Variants in ECT2 observed in about 807,000 individuals in gnomAD.
ECT2 encodes epithelial cell transforming 2.
ECT2 carries 61 observed loss-of-function variants against 116.9 expected under a neutral mutation model. That is an observed-to-expected ratio of 0.52 (90% CI 0.42 to 0.65). The LOEUF is 0.65. ECT2 is among the 30% of genes least tolerant of loss of function. The pLI is 0.00. For synonymous variants in ECT2, 358 were observed against 346.4 expected (o/e 1.03, Z -0.37); for missense variants, 937 against 1,078.7 (o/e 0.87, Z 1.84).
intron 22 of ECT2, among the ~76,000 whole-genome samples, chr3:172,812,418 A>T (rs1031657470): frequency 2.0e-5 from 3 of 152,162 alleles, no homozygotes; most frequent in African/African-American, 7.2e-5. Flanking sequence ...GTTATTTTGT[A>T]ATCAGTCACA....
At chr3:172,793,374 A>C (rs566739195) in intron 18 of ECT2, among the ~76,000 whole-genome samples, 13 of 152,096 alleles carry the variant, frequency 8.5e-5, no homozygotes, top group African/African-American at 3.1e-4. Context: ...CATGTTGGCC[A>C]AGTTGGCCTC....
At position 172,762,965 on chromosome 3, in the gene ECT2, A is replaced by G. The variant is rs749311125; in HGVS notation, c.1061A>G (p.Tyr354Cys). Residue 354 changes from tyrosine to cysteine, a missense_variant, in exon 11 of 25, where the codon TAT (tyrosine) becomes TGT (cysteine). By Grantham distance (194) the Tyr-to-Cys change is radical. Coordinates refer to ENST00000392692, the MANE Select transcript of ECT2 (RefSeq NM_001258315.2). ...DARAGETMYL[Y>C]EKANTPELKK... ...CGAGCTGGAGAAACTATGTATTTAT[A>G]TGAAAAGGTATGCTTTTAACCCCTT... 6.2e-7 allele frequency: 1 copy of G among 1,613,812 alleles called. No homozygotes were observed. Among genetic ancestry groups the G allele is most frequent in the East Asian group, 2.2e-5 (1 of 44,832 alleles).
In ECT2 at chr3:172,759,008, A is replaced by G. The variant is rs769496025; in HGVS notation, c.515A>G (p.Tyr172Cys). 6.2e-7 allele frequency: 1 copy of G among 1,611,270 alleles called. No individual in the cohort carries two copies. Among genetic ancestry groups the G allele is most frequent in the Non-Finnish European group, 8.5e-7 (1 of 1,179,256 alleles). ...EPLPFSCRPL[Y>C]CTSMMNLVLC... ...TTGCCATTTTCATGTCGCCCGTTGT[A>G]TTGTACAAGTATGATGAATCTAGTA... Residue 172 changes from tyrosine to cysteine, a missense_variant, in exon 6 of 25, where the codon TAT becomes TGT. Physicochemically the swap from Tyr to Cys is radical, Grantham distance 194. Coordinates refer to ENST00000392692, the MANE Select transcript of ECT2 (RefSeq NM_001258315.2).
chr3:172,795,184 A>G (rs1044665770), intron 18 of ECT2, among the ~76,000 whole-genome samples: 5 of 151,850 alleles, frequency 3.3e-5, no homozygotes, highest in African/African-American at 1.2e-4. Context: ...TTAGCCAGGC[A>G]TGGTGGTGTG....
At chr3:172,828,383 CTAAT>C in the ECT2 span, among the ~76,000 whole-genome samples, 1 of 145,148 alleles carries the variant, frequency 6.9e-6, no homozygotes, top group Non-Finnish European at 1.5e-5. Context: ...TAAAACGTGA[CTAAT>C]TGTTTCTAAA....
At chr3:172,801,780 G>C (rs1020817462) in intron 18 of ECT2, among the ~76,000 whole-genome samples, 1 of 152,208 alleles carries the variant, frequency 6.6e-6, no homozygotes, top group African/African-American at 2.4e-5. Flanking sequence ...TGGATGTTAA[G>C]TGTCTTGAGA....
chr3:172,786,680 AT>A, intron 18 of ECT2, 106 bp downstream of exon 18: 1 of 711,816 alleles, frequency 1.4e-6, no homozygotes, highest in Middle Eastern at 2.7e-4. Flanking sequence ...TTTTTGTAAA[AT>A]GTCTAGATTA....
At position 172,783,116 on chromosome 3, in the gene ECT2, C is replaced by T. The variant is rs1401508899; in HGVS notation, c.1618-683C>T. On this transcript the variant is annotated intron_variant, in intron 15 of 24. Transcript: ENST00000392692. ...CTGCCTCTTACTAGGATAAGAACCA[C>T]ACAACTTAAGTTTTATAAATTCATT... Among the ~76,000 whole-genome samples, 3 of 152,248 alleles carry T rather than the reference C, an allele frequency of 2.0e-5. No individual in the cohort carries two copies. The East Asian group carries it at 5.8e-4, about 29-fold the overall frequency.
At chr3:172,782,299 T>A in intron 15 of ECT2, 68 bp downstream of exon 15, 1 of 867,552 alleles carries the variant, frequency 1.2e-6, no homozygotes, top group Non-Finnish European at 1.8e-6. Flanking sequence ...TGGCAAGGAG[T>A]GTAATTTGCC....
intron 11 of ECT2, among the ~76,000 whole-genome samples, chr3:172,763,370 A>G (rs1302957073): frequency 1.3e-5 from 2 of 152,224 alleles, no homozygotes; most frequent in Non-Finnish European, 2.9e-5. Context: ...TGTTGACCCA[A>G]CTTACTAGGC....
intron 16 of ECT2, 129 bp downstream of exon 16, chr3:172,784,038 G>A: frequency 1.6e-6 from 1 of 612,350 alleles, no homozygotes; most frequent in Non-Finnish European, 2.8e-6. Context: ...AATTTTAGTT[G>A]TACTTATGGG....
intron 15 of ECT2, among the ~76,000 whole-genome samples, chr3:172,783,560 G>GT (rs570230351): frequency 3.3e-5 from 5 of 151,196 alleles, no homozygotes; most frequent in African/African-American, 4.9e-5. Flanking sequence ...CATATCTTTT[G>GT]TTTTTTTTCT....
At chr3:172,762,342 A>T in intron 8 of ECT2, 74 bp from the exon 9 acceptor site, 2 of 1,416,810 alleles carry the variant, frequency 1.4e-6, no homozygotes, top group Non-Finnish European at 1.9e-6. Flanking sequence ...AAATTACTGT[A>T]GGTTTGTAAA....
At chr3:172,785,431 T>C (rs951407745) in intron 17 of ECT2, among the ~76,000 whole-genome samples, 5 of 151,406 alleles carry the variant, frequency 3.3e-5, no homozygotes, top group African/African-American at 9.7e-5. Flanking sequence ...TAGCCGGTAA[T>C]CCCAGCACTT....
At chr3:172,765,242 A>G (rs1209118145) in intron 12 of ECT2, among the ~76,000 whole-genome samples, 3 of 151,636 alleles carry the variant, frequency 2.0e-5, no homozygotes, top group African/African-American at 7.3e-5. Context: ...TATGGACACA[A>G]TTTTTTTTCT....
chr3:172,782,040 T>G, intron 14 of ECT2, 123 bp from the exon 15 acceptor site: 1 of 446,642 alleles, frequency 2.2e-6, no homozygotes, highest in Non-Finnish European at 3.9e-6. Flanking sequence ...TGTTCATTAT[T>G]TTACACATCA....
chr3:172,769,539 C>T (rs1035129649), intron 13 of ECT2, among the ~76,000 whole-genome samples: 28 of 152,024 alleles, frequency 1.8e-4, no homozygotes, highest in African/African-American at 4.3e-4. Context: ...TGAAAAACAT[C>T]GCCTATACAA....
chr3:172,769,044 C>T lies in ECT2; in HGVS notation c.1329C>T (p.Ser443=). The change falls in exon 13 of 25, where the codon TCC becomes TCT. Residue 443 remains serine, a synonymous_variant. Coordinates refer to ENST00000392692, the MANE Select transcript of ECT2 (RefSeq NM_001258315.2). ...PKSCTKSSKS[S]TPVPSKQSAR... is the part of the protein sequence containing the mutation. ...CTTGTACTAAGTCTTCTAAAAGCTCCACTCCAGTTCCTTCAAAGCAGTCAG... is the reference window on the plus strand; with the variant it reads ...CTTGTACTAAGTCTTCTAAAAGCTCTACTCCAGTTCCTTCAAAGCAGTCAG... 1 of 1,613,170 alleles carries T rather than the reference C, an allele frequency of 6.2e-7. No homozygotes were observed. The highest frequency in any genetic ancestry group is 8.5e-7 in the Non-Finnish European group (1 of 1,179,518).
chr3:172,764,100 C>T (rs1256173428), intron 11 of ECT2, among the ~76,000 whole-genome samples, 178 bp from the exon 12 acceptor site: 3 of 152,198 alleles, frequency 2.0e-5, no homozygotes, highest in Non-Finnish European at 2.9e-5. Context: ...TAGACAATTA[C>T]AGTCGTCTCT....
Sources: allele counts gnomAD v4.1 joint callset (sites outside exome capture counted in the v4.1 genomes callset), GRCh38; gene constraint gnomAD v4.1.1; transcripts MANE v1.5; gene names NCBI Gene and HGNC (gene_info 2026-07-23, HGNC 2026-07-21).